Variants in DNAH11 observed in about 807,000 individuals in gnomAD.
DNAH11 encodes the protein dynein axonemal heavy chain 11.
A neutral mutation model predicts 526.0 loss-of-function variants in DNAH11; 442 were observed. The ratio of observed to expected loss-of-function variants is 0.84; its 90% CI spans 0.78 to 0.91. The LOEUF is 0.91. Among genes scored for constraint, DNAH11 ranks in the 40% least tolerant of loss-of-function variants. The probability of loss-of-function intolerance (pLI) is 0.00; values close to 1 mark genes in which losing one functional copy is unlikely to be tolerated. For synonymous variants in DNAH11, 2,461 were observed against 1,935.9 expected, an observed-to-expected ratio of 1.27 and a Z score of -7.12; for missense variants, 6,989 against 5,448.7, an observed-to-expected ratio of 1.28 and a Z score of -8.90.
intron 65 of DNAH11, among the ~76,000 whole-genome samples, chr7:21,832,464 T>C (rs1184668179): frequency 6.6e-6 from 1 of 152,188 alleles, no homozygotes; most frequent in Non-Finnish European, 1.5e-5. Context: ...TGGTAAATAT[T>C]CCTCCATCCC....
At chr7:21,773,731 G>T (rs759558554) in intron 55 of DNAH11, 35 bp from the exon 56 acceptor site, 4 of 1,291,440 alleles carry the variant, frequency 3.1e-6, no homozygotes, top group East Asian at 2.7e-5. Context: ...TAATTTGAGA[G>T]GATTTCACAT....
At chr7:21,860,832 C>T (rs1403813942) in intron 68 of DNAH11, among the ~76,000 whole-genome samples, 1 of 152,074 alleles carries the variant, frequency 6.6e-6, no homozygotes, top group Non-Finnish European at 1.5e-5. Context: ...GGAGGCCTCA[C>T]AATCATGGTG....
chr7:21,874,180 G>A (rs757804771), intron 74 of DNAH11, among the ~76,000 whole-genome samples: 3 of 151,940 alleles, frequency 2.0e-5, no homozygotes, highest in Non-Finnish European at 4.4e-5. Flanking sequence ...TGATGATGGC[G>A]ACAGTAATGA....
intron 30 of DNAH11, among the ~76,000 whole-genome samples, chr7:21,664,602 G>A (rs1003769612): frequency 6.6e-6 from 1 of 151,960 alleles, no homozygotes; most frequent in Non-Finnish European, 1.5e-5. Context: ...AGGACCACAG[G>A]TGCATACTAC....
intron 66 of DNAH11, among the ~76,000 whole-genome samples, chr7:21,844,877 G>T (rs529428586): frequency 1.3e-5 from 2 of 152,154 alleles, no homozygotes; most frequent in Non-Finnish European, 2.9e-5. Flanking sequence ...GGTATCAGTG[G>T]ATATGGTTCC....
chr7:21,900,876 A>C (rs780713340), intron 81 of DNAH11, 131 bp from the exon 82 acceptor site: 52 of 1,440,136 alleles, frequency 3.6e-5, no homozygotes, highest in Non-Finnish European at 4.7e-5. Flanking sequence ...CAGCTCAGTA[A>C]AAATACCACT....
chr7:21,860,412 A>T (rs1783014379), intron 68 of DNAH11, among the ~76,000 whole-genome samples: 1 of 152,220 alleles, frequency 6.6e-6, no homozygotes, highest in Non-Finnish European at 1.5e-5. Context: ...TACAAATAGA[A>T]TTACCATATG....
At chr7:21,695,102 A>C (rs1175161877) in intron 35 of DNAH11, among the ~76,000 whole-genome samples, 1 of 152,232 alleles carries the variant, frequency 6.6e-6, no homozygotes, top group African/African-American at 2.4e-5. Context: ...GAGGACACAA[A>C]CAAATAGAAA....
At position 21,564,243 on chromosome 7, in the gene DNAH11, A is replaced by T; in HGVS notation, c.1040A>T (p.Gln347Leu). ...LYLRPLRRHI[Q>L]CLQETEFPQT... The stretch of plus-strand genomic sequence containing the variant: ...CTGAGACCTCTGAGGAGACACATCC[A>T]GTGTCTCCAGGAGACGGAATTCCCA... Residue 347 changes from glutamine to leucine, a missense_variant, in exon 6 of 82, where the codon CAG becomes CTG. Physicochemically the swap from Gln to Leu is moderately radical, Grantham distance 113. Transcript: ENST00000409508. 6.2e-7 allele frequency: 1 copy of T among 1,613,148 alleles called. No individual in the cohort carries two copies. Among genetic ancestry groups the T allele is most frequent in the Non-Finnish European group, 8.5e-7 (1 of 1,179,400 alleles).
At chr7:21,573,072 G>A (rs2128437691) in intron 8 of DNAH11, among the ~76,000 whole-genome samples, 1 of 152,286 alleles carries the variant, frequency 6.6e-6, no homozygotes, top group East Asian at 1.9e-4. Flanking sequence ...TTGCAAGAGA[G>A]TCTTGATTTT....
chr7:21,554,501 G>A (rs1583476565), intron 2 of DNAH11, among the ~76,000 whole-genome samples: 2 of 152,020 alleles, frequency 1.3e-5, no homozygotes, highest in Admixed American at 6.6e-5. Flanking sequence ...TCTCGTTTGG[G>A]ATTGACATTT....
At chr7:21,625,932 T>C (rs1786311565) in intron 25 of DNAH11, among the ~76,000 whole-genome samples, 2 of 152,188 alleles carry the variant, frequency 1.3e-5, no homozygotes, top group Admixed American at 1.3e-4. Flanking sequence ...CATTTATGTT[T>C]TTTTATATTG....
chr7:21,895,453 G>T (rs944851662), intron 79 of DNAH11, among the ~76,000 whole-genome samples: 1 of 152,200 alleles, frequency 6.6e-6, no homozygotes, highest in Non-Finnish European at 1.5e-5. Context: ...GCAGTATGCA[G>T]TAAACTAGAC....
At chr7:21,688,691 G>C (rs1001955467) in intron 34 of DNAH11, among the ~76,000 whole-genome samples, 2 of 152,150 alleles carry the variant, frequency 1.3e-5, no homozygotes, top group Non-Finnish European at 2.9e-5. Context: ...CATCCCAATA[G>C]GTTATACCTT....
chr7:21,548,091 C>CCCCCAGCAT, intron 2 of DNAH11, among the ~76,000 whole-genome samples: 1 of 144,884 alleles, frequency 6.9e-6, no homozygotes. Context: ...ACCTTCTACC[C>CCCCCAGCAT]AACCCATTAA....
chr7:21,640,081 G>A (rs1028969746), intron 28 of DNAH11, among the ~76,000 whole-genome samples: 1 of 152,158 alleles, frequency 6.6e-6, no homozygotes, highest in Non-Finnish European at 1.5e-5. Context: ...CAGTCGTGCT[G>A]TTAGTAACAG....
At chr7:21,870,954 A>G (rs11766053) in intron 73 of DNAH11, among the ~76,000 whole-genome samples, 49,433 of 152,146 alleles carry the variant, frequency 0.32, 9,926 homozygotes, top group Non-Finnish European at 0.45. Context: ...GATCAGCAGG[A>G]AAAAGAGAAG....
At chr7:21,864,080 C>G (rs578042952) in intron 69 of DNAH11, among the ~76,000 whole-genome samples, 6 of 152,224 alleles carry the variant, frequency 3.9e-5, no homozygotes, top group African/African-American at 1.2e-4. Flanking sequence ...TCAATATAAT[C>G]TTACATATTA....
chr7:21,704,934 C>A (rs1231591502), intron 38 of DNAH11, among the ~76,000 whole-genome samples: 1 of 152,094 alleles, frequency 6.6e-6, no homozygotes, highest in Non-Finnish European at 1.5e-5. Context: ...GTTCTTTCCT[C>A]CTTTTTAGAG....
Sources: allele counts gnomAD v4.1 joint callset (sites outside exome capture counted in the v4.1 genomes callset), GRCh38; gene constraint gnomAD v4.1.1; transcripts MANE v1.5; gene names NCBI Gene and HGNC (gene_info 2026-07-23, HGNC 2026-07-21).